Variants in NRXN3 observed in about 807,000 individuals in gnomAD.
The protein encoded by NRXN3 is neurexin III.
NRXN3 carries 32 observed loss-of-function variants against 137.6 expected under a neutral mutation model. The observed-to-expected ratio is 0.23, with a 90% confidence interval of 0.18 to 0.31. NRXN3 has a LOEUF of 0.31. NRXN3 is among the 10% of genes least tolerant of loss of function. The pLI, the probability that NRXN3 is intolerant of heterozygous loss-of-function variation, is 1.00. For missense variants in NRXN3, 1,574 were observed against 2,062.5 expected, an observed-to-expected ratio of 0.76 and a Z score of 4.59; for synonymous variants, 798 against 784.5, an observed-to-expected ratio of 1.02 and a Z score of -0.29.
chr14:78,913,228 C>CT (rs1555571823), intron 10 of NRXN3, among the ~76,000 whole-genome samples: 1 of 132,960 alleles, frequency 7.5e-6, no homozygotes, highest in African/African-American at 2.8e-5. Context: ...AGATTTTTTT[C>CT]TTTTTTCTTT....
At chr14:78,460,810 A>AT (rs11318025) in intron 4 of NRXN3, among the ~76,000 whole-genome samples, 9 of 151,418 alleles carry the variant, frequency 5.9e-5, no homozygotes, top group East Asian at 3.9e-4. Context: ...TGATATTGGG[A>AT]TTTTTTTTTT....
chr14:79,605,229 T>G (rs1239411499), intron 16 of NRXN3, among the ~76,000 whole-genome samples: 1 of 152,204 alleles, frequency 6.6e-6, no homozygotes, highest in Non-Finnish European at 1.5e-5. Context: ...GCTGTCTGTG[T>G]GTCACCTTGA....
chr14:78,199,960 G>T (rs1595847503), intron 1 of NRXN3, among the ~76,000 whole-genome samples: 1 of 152,202 alleles, frequency 6.6e-6, no homozygotes, highest in East Asian at 1.9e-4. Flanking sequence ...CTTTGGAAAT[G>T]AAGCATAGCC....
At chr14:79,007,805 CA>C (rs1160867331) in intron 15 of NRXN3, among the ~76,000 whole-genome samples, 4,841 of 38,056 alleles carry the variant, frequency 0.13, 126 homozygotes, top group African/African-American at 0.33. Flanking sequence ...GACTCCATCT[CA>C]AAAAAAAAAA....
intron 15 of NRXN3, among the ~76,000 whole-genome samples, chr14:79,164,503 C>A (rs1404725592): frequency 1.3e-5 from 2 of 151,906 alleles, no homozygotes; most frequent in Non-Finnish European, 2.9e-5. Flanking sequence ...ATGGCCATTG[C>A]AGAATTATCA....
At chr14:79,529,882 A>G (rs1163237837) in intron 16 of NRXN3, among the ~76,000 whole-genome samples, 1 of 152,302 alleles carries the variant, frequency 6.6e-6, no homozygotes, top group Non-Finnish European at 1.5e-5. Flanking sequence ...GCAAAGTCGA[A>G]AACTGCCAGC....
intron 4 of NRXN3, among the ~76,000 whole-genome samples, chr14:78,317,338 G>A (rs957886155): frequency 1.3e-5 from 2 of 152,192 alleles, no homozygotes; most frequent in African/African-American, 2.4e-5. Context: ...AGGCGAGTGA[G>A]CATTATCGCC....
chr14:79,841,900 C>A (rs2099356629), intron 20 of NRXN3, among the ~76,000 whole-genome samples: 1 of 152,122 alleles, frequency 6.6e-6, no homozygotes, highest in Non-Finnish European at 1.5e-5. Flanking sequence ...CAGGGAAATC[C>A]CATCTGGTTT....
chr14:78,770,158 A>G (rs145419450), intron 8 of NRXN3, among the ~76,000 whole-genome samples: 124 of 152,318 alleles, frequency 8.1e-4, no homozygotes, highest in African/African-American at 2.5e-3. Context: ...GGCTTGTATC[A>G]ACATCCCTAT....
At chr14:79,432,236 T>C (rs192095478) in intron 15 of NRXN3, among the ~76,000 whole-genome samples, 3 of 152,276 alleles carry the variant, frequency 2.0e-5, no homozygotes, top group African/African-American at 7.2e-5. Context: ...TATATTTCCA[T>C]ACTTTTGCTC....
intron 14 of NRXN3, among the ~76,000 whole-genome samples, chr14:78,973,277 C>T (rs1460635118): frequency 6.6e-6 from 1 of 151,920 alleles, no homozygotes; most frequent in East Asian, 1.9e-4. Flanking sequence ...ATTCACCATA[C>T]ATAGAAAAAA....
intron 15 of NRXN3, among the ~76,000 whole-genome samples, chr14:79,379,182 G>A (rs2094394396): frequency 6.6e-6 from 1 of 151,952 alleles, no homozygotes; most frequent in African/African-American, 2.4e-5. Flanking sequence ...TAACTTACTG[G>A]AGACCAATTT....
chr14:79,051,913 T>C (rs963211727), intron 15 of NRXN3, among the ~76,000 whole-genome samples: 64 of 152,332 alleles, frequency 4.2e-4, no homozygotes, highest in Admixed American at 1.2e-3. Context: ...CAAGTTTGCA[T>C]TGGGCAAGTA....
intron 15 of NRXN3, among the ~76,000 whole-genome samples, chr14:79,262,149 G>T (rs1317905739): frequency 6.6e-6 from 1 of 152,104 alleles, no homozygotes; most frequent in Non-Finnish European, 1.5e-5. Context: ...GACAGGATTA[G>T]TCTGAATTTC....
intron 4 of NRXN3, among the ~76,000 whole-genome samples, chr14:78,576,073 A>T (rs572579715): frequency 1.7e-4 from 26 of 152,318 alleles, no homozygotes; most frequent in African/African-American, 6.3e-4. Flanking sequence ...TGGCATGAGG[A>T]TGGTTTGACA....
intron 8 of NRXN3, among the ~76,000 whole-genome samples, chr14:78,801,757 A>G (rs981390910): frequency 7.9e-5 from 12 of 152,144 alleles, no homozygotes; most frequent in Admixed American, 7.2e-4. Flanking sequence ...TACCTGATCT[A>G]CCTGTTCAAT....
chr14:79,057,329 T>C (rs1029604544), intron 15 of NRXN3, among the ~76,000 whole-genome samples: 1 of 152,244 alleles, frequency 6.6e-6, no homozygotes, highest in Non-Finnish European at 1.5e-5. Context: ...ATTGTGGATA[T>C]GTTTCGATAT....
At chr14:78,352,096 A>C (rs1260044695) in intron 4 of NRXN3, among the ~76,000 whole-genome samples, 1 of 144,934 alleles carries the variant, frequency 6.9e-6, no homozygotes, top group Non-Finnish European at 1.5e-5. Flanking sequence ...TTAAAAGAAA[A>C]AAAAAAAAAA....
At chr14:78,470,469 C>T (rs1288802207) in intron 4 of NRXN3, among the ~76,000 whole-genome samples, 4 of 151,728 alleles carry the variant, frequency 2.6e-5, no homozygotes, top group African/African-American at 4.8e-5. Flanking sequence ...CTCCATAATC[C>T]TCGTCAGTAA....
Sources: allele counts gnomAD v4.1 joint callset (sites outside exome capture counted in the v4.1 genomes callset), GRCh38; gene constraint gnomAD v4.1.1; transcripts MANE v1.5; gene names NCBI Gene and HGNC (gene_info 2026-07-23, HGNC 2026-07-21).